Variants in ATP6V1C2 observed in about 807,000 individuals in gnomAD.
The protein encoded by ATP6V1C2 is ATPase H+ transporting V1 subunit C2.
A neutral mutation model predicts 56.8 loss-of-function variants in ATP6V1C2; 45 were observed. That is an observed-to-expected ratio of 0.79 (90% CI 0.62 to 1.02). The LOEUF (loss-of-function observed/expected upper bound fraction) is 1.02, where lower values mean the gene tolerates loss of function less well. Among genes scored for constraint, ATP6V1C2 ranks in the 50% least tolerant of loss-of-function variants. ATP6V1C2 has a pLI of 0.00. For synonymous variants in ATP6V1C2, 220 were observed against 201.3 expected (o/e 1.09, Z -0.79); for missense variants, 463 against 519.7 (o/e 0.89, Z 1.06).
Position 10,784,419 on chromosome 2 carries a change from C to A in ATP6V1C2, c.*1156C>A. 1 of 892,184 alleles carries A rather than the reference C, an allele frequency of 1.1e-6. No individual in the cohort carries two copies. Among genetic ancestry groups the A allele is most frequent in the Non-Finnish European group, 1.7e-6 (1 of 577,932 alleles). The allele number at this position is 892,184 out of a possible 1,614,324, so 55.3% of individuals were successfully genotyped here. ...TTTATGGAAGAGCGACTCTCTGGAG[C>A]TACTCCTGCTACAATCCAGGTTCTC... On this transcript the variant is annotated 3_prime_UTR_variant, in exon 14 of 14. Transcript: ENST00000272238.
In ATP6V1C2 at chr2:10,782,325, A is replaced by T. The variant is rs1665413638; in HGVS notation, c.1144A>T (p.Asn382Tyr). The change falls in exon 13 of 14, where the codon AAC (asparagine) becomes TAC (tyrosine). Residue 382 changes from asparagine (N) to tyrosine (Y), a missense_variant. Asn to Tyr is a moderately radical substitution (Grantham distance 143, BLOSUM62 -2). Coordinates refer to ENST00000272238, the MANE Select transcript of ATP6V1C2 (RefSeq NM_001039362.2). ...CACCAAGCGTTTAAGAGAGGTTCTAAACTCTGTCTTCCGACATCTGGATGA... is the reference window on the plus strand; with the variant it reads ...CACCAAGCGTTTAAGAGAGGTTCTATACTCTGTCTTCCGACATCTGGATGA... Reference protein sequence around the residue: ...SSTKRLREVLNSVFRHLDEVA... With the variant: ...SSTKRLREVLYSVFRHLDEVA... 6.2e-7 allele frequency: 1 copy of T among 1,614,176 alleles called. No homozygotes were observed.
Position 10,726,402 on chromosome 2 carries a change from A to G in ATP6V1C2, c.130-100A>G, listed in dbSNP as rs1572495641. 8.4e-6 allele frequency: 8 copies of G among 954,840 alleles called. No individual in the cohort carries two copies. In the East Asian group the frequency reaches 1.9e-4, roughly 23 times the overall value. 59.1% of individuals were successfully genotyped at this position (954,840 alleles called of 1,614,324 possible). A position where few individuals can be genotyped will look rare whatever the true frequency, so the allele number is the denominator to read the frequency against. ...ACTTTGGCCATTGACCAAGGGTGAC[A>G]AATTCAAGATGAAGTGACAGAGTCC... is the stretch of plus-strand genomic sequence containing the variant. On this transcript the variant is annotated intron_variant, in intron 2 of 13. Transcript: ENST00000272238.
At chr2:10,742,460 C>T (rs1281859689) in intron 3 of ATP6V1C2, among the ~76,000 whole-genome samples, 1 of 152,160 alleles carries the variant, frequency 6.6e-6, no homozygotes, top group Non-Finnish European at 1.5e-5. Context: ...CTTAAGGCTA[C>T]ATAAGAATCT....
chr2:10,768,229 G>A (rs142256795), intron 5 of ATP6V1C2: 133 of 155,082 alleles, frequency 8.6e-4, no homozygotes, highest in Non-Finnish European at 1.4e-3. Flanking sequence ...TGAGCCAGTC[G>A]GCCAGAAAGC....
chr2:10,782,110 G>C, intron 12 of ATP6V1C2, 133 bp from the exon 13 acceptor site: 1 of 1,065,842 alleles, frequency 9.4e-7, no homozygotes, highest in African/African-American at 1.6e-5. Flanking sequence ...TAGGCATTTT[G>C]CTCGAGTTTG....
rs968559133 is a variant in ATP6V1C2 at position 10,758,821 on chromosome 2, A to C, written c.283+4755A>C. The stretch of plus-strand genomic sequence containing the variant: ...GGGACTGTAGTCCCAGGCGTGTGCC[A>C]CCATACCTGGCTAATTTTTGTATTT... On this transcript the variant is annotated intron_variant, in intron 4 of 13. Coordinates refer to ENST00000272238, the MANE Select transcript of ATP6V1C2 (RefSeq NM_001039362.2). Among the ~76,000 whole-genome samples the C allele has an allele frequency of 3.3e-5, 5 of 152,010 alleles. No individual in the cohort carries two copies. In the South Asian group the frequency reaches 1.0e-3, roughly 32 times the overall value.
intron 4 of ATP6V1C2, among the ~76,000 whole-genome samples, chr2:10,755,501 A>G (rs776404672): frequency 3.3e-5 from 5 of 152,162 alleles, no homozygotes; most frequent in Non-Finnish European, 5.9e-5. Flanking sequence ...CTTTTAGCTC[A>G]TCAGCACTGC....
chr2:10,726,449 A>G (rs986271480), intron 2 of ATP6V1C2, 53 bp from the exon 3 acceptor site: 1 of 1,420,812 alleles, frequency 7.0e-7, no homozygotes, highest in Non-Finnish European at 1.0e-6. Context: ...TTGAGATGGC[A>G]TCATGCTTGG....
intron 2 of ATP6V1C2, among the ~76,000 whole-genome samples, chr2:10,723,787 C>T (rs1210820706): frequency 1.4e-5 from 2 of 146,090 alleles, no homozygotes; most frequent in South Asian, 2.1e-4. Context: ...TGCAGTGAGC[C>T]GAGATTGCGC....
chr2:10,754,369 G>C (rs952057117), intron 4 of ATP6V1C2, among the ~76,000 whole-genome samples: 5 of 151,908 alleles, frequency 3.3e-5, no homozygotes, highest in Non-Finnish European at 5.9e-5. Flanking sequence ...GGGACTACAG[G>C]CACCCACCGC....
intron 10 of ATP6V1C2, among the ~76,000 whole-genome samples, chr2:10,775,361 G>A (rs1558424394): frequency 2.6e-5 from 4 of 152,212 alleles, no homozygotes; most frequent in Admixed American, 2.6e-4. Context: ...TGCCAGGAAG[G>A]GGTTGCTAGC....
chr2:10,776,291 G>T (rs113691353), intron 10 of ATP6V1C2, among the ~76,000 whole-genome samples: 2 of 139,234 alleles, frequency 1.4e-5, no homozygotes, highest in South Asian at 4.4e-4. Flanking sequence ...GCGCGCGCAC[G>T]TGCATGTATG....
chr2:10,750,047 TTAAG>T (rs1376393268), intron 3 of ATP6V1C2, among the ~76,000 whole-genome samples: 2 of 152,212 alleles, frequency 1.3e-5, no homozygotes, highest in Admixed American at 6.5e-5. Flanking sequence ...AATTTTCTGA[TTAAG>T]TAATACTGCA....
chr2:10,745,102 T>C (rs932049542), intron 3 of ATP6V1C2, among the ~76,000 whole-genome samples: 11 of 140,584 alleles, frequency 7.8e-5, no homozygotes, highest in Non-Finnish European at 1.5e-4. Context: ...TGGAGTGCAA[T>C]GGCACAATCT....
chr2:10,782,516 A>G, intron 13 of ATP6V1C2, 141 bp downstream of exon 13: 3 of 953,518 alleles, frequency 3.1e-6, no homozygotes, highest in African/African-American at 1.7e-5. Context: ...CCTAGCCAAC[A>G]TGGTAAGACC....
intron 3 of ATP6V1C2, among the ~76,000 whole-genome samples, chr2:10,740,099 A>AAAAAG (rs1250595843): frequency 6.6e-6 from 1 of 151,800 alleles, no homozygotes; most frequent in South Asian, 2.1e-4. Flanking sequence ...AAAAAAAAAA[A>AAAAAG]AAAAGAAAAG....
At chr2:10,756,616 G>A (rs1663565999) in intron 4 of ATP6V1C2, among the ~76,000 whole-genome samples, 1 of 152,016 alleles carries the variant, frequency 6.6e-6, no homozygotes, top group South Asian at 2.1e-4. Context: ...TTCTTGGGAG[G>A]CTGAGGCAGA....
At position 10,746,681 on chromosome 2, in the gene ATP6V1C2, G is replaced by T. The variant is rs1052945512; in HGVS notation, c.198-7300G>T. Among the ~76,000 whole-genome samples the T allele has an allele frequency of 3.3e-5, 5 of 151,954 alleles. No homozygotes were observed. The South Asian group carries it at 6.2e-4, about 19-fold the overall frequency. ...CGCCTCGGCCTTCCAAAGTGCTGGG[G>T]TTACAGACATGAGCCACCCCGCCCA... On this transcript the variant is annotated intron_variant, in intron 3 of 13. Coordinates refer to ENST00000272238, the MANE Select transcript of ATP6V1C2 (RefSeq NM_001039362.2).
At chr2:10,741,479 TG>T (rs940603101) in intron 3 of ATP6V1C2, among the ~76,000 whole-genome samples, 1 of 151,834 alleles carries the variant, frequency 6.6e-6, no homozygotes, top group Non-Finnish European at 1.5e-5. Context: ...CTCTCAGGTG[TG>T]GGGGCCCCTC....
Sources: allele counts gnomAD v4.1 joint callset (sites outside exome capture counted in the v4.1 genomes callset), GRCh38; gene constraint gnomAD v4.1.1; transcripts MANE v1.5; gene names NCBI Gene and HGNC (gene_info 2026-07-23, HGNC 2026-07-21).